Variants in SPATA31H1 observed in about 807,000 individuals in gnomAD.
The protein encoded by SPATA31H1 is SPATA31 subfamily H member 1.
At chr2:27,581,637 C>T in the SPATA31H1 span, 2 of 1,612,210 alleles carry the variant, frequency 1.2e-6, no homozygotes, top group Non-Finnish European at 1.7e-6. Flanking sequence ...CCATTGCAGT[C>T]CCTCTGAGAG....
chr2:27,581,504 A>G, the SPATA31H1 span: 1 of 1,581,406 alleles, frequency 6.3e-7, no homozygotes, highest in Non-Finnish European at 8.7e-7. Context: ...CCTCTCAGAG[A>G]AGACATCACA....
At chr2:27,576,056 C>A in the SPATA31H1 span, 4 of 399,428 alleles carry the variant, frequency 1.0e-5, no homozygotes, top group Middle Eastern at 1.9e-3. Flanking sequence ...TGGAATGCAA[C>A]CCTGGGCCAC....
chr2:27,578,939 T>C, the SPATA31H1 span: 1 of 1,614,040 alleles, frequency 6.2e-7, no homozygotes. Context: ...TGATACAATC[T>C]TTAACTTTTC....
chr2:27,576,640 A>G, the SPATA31H1 span: 1 of 1,612,924 alleles, frequency 6.2e-7, no homozygotes, highest in Non-Finnish European at 8.5e-7. Flanking sequence ...GGATGGCAAG[A>G]TGTGAAATCA....
At chr2:27,552,266 T>C in the SPATA31H1 span, among the ~76,000 whole-genome samples, 1 of 152,036 alleles carries the variant, frequency 6.6e-6, no homozygotes, top group Non-Finnish European at 1.5e-5. Context: ...ATTTTTTGAA[T>C]TAGATGGTGT....
chr2:27,562,615 G>A, the SPATA31H1 span, among the ~76,000 whole-genome samples: 1,034 of 150,510 alleles, frequency 6.9e-3, 10 homozygotes, highest in African/African-American at 0.023. Context: ...GGCTGGGTGC[G>A]GTGGCTCACG....
chr2:27,576,585 C>T, the SPATA31H1 span: 3 of 1,578,192 alleles, frequency 1.9e-6, no homozygotes, highest in East Asian at 6.7e-5. Context: ...GGAGCTGACA[C>T]CAGGGGCCCA....
the SPATA31H1 span, chr2:27,570,514 A>G: frequency 2.5e-6 from 1 of 398,972 alleles, no homozygotes; most frequent in Non-Finnish European, 4.4e-6. Context: ...CAAGATTCCA[A>G]ATTAGCAAAG....
the SPATA31H1 span, among the ~76,000 whole-genome samples, chr2:27,562,132 T>C: frequency 6.6e-6 from 1 of 152,244 alleles, no homozygotes; most frequent in Non-Finnish European, 1.5e-5. Flanking sequence ...TGTTCCTGTT[T>C]TTATTTCCTA....
chr2:27,576,938 C>A, the SPATA31H1 span: 26 of 1,613,924 alleles, frequency 1.6e-5, no homozygotes, highest in Non-Finnish European at 2.2e-5. Context: ...CTGAACTAAT[C>A]CCTAGACCAG....
chr2:27,578,840 T>C, the SPATA31H1 span: 9 of 1,614,162 alleles, frequency 5.6e-6, 1 homozygote, highest in Admixed American at 1.5e-4. Flanking sequence ...TTTGGGATTC[T>C]GGGATACAGG....
the SPATA31H1 span, among the ~76,000 whole-genome samples, chr2:27,538,969 A>C: frequency 2.0e-4 from 30 of 152,120 alleles, no homozygotes; most frequent in Non-Finnish European, 1.5e-4. Context: ...CAGGGATGTG[A>C]AAGTGGAGGA....
chr2:27,575,766 A>G, the SPATA31H1 span: 1 of 398,442 alleles, frequency 2.5e-6, no homozygotes, highest in Non-Finnish European at 4.4e-6. The surrounding 1 kb of genome is among the most constrained non-coding windows in gnomAD (Gnocchi z 4.1). Context: ...TAATGGGTGC[A>G]TCCCTGGGCC....
chr2:27,575,683 G>GC, the SPATA31H1 span: 1 of 398,384 alleles, frequency 2.5e-6, no homozygotes, highest in African/African-American at 2.1e-5. This position sits in a 1 kb window ranked among gnomAD's most constrained non-coding sequence, Gnocchi z 4.1. Context: ...TCTACTGGGA[G>GC]CAACTGTGGG....
chr2:27,580,257 C>T, the SPATA31H1 span: 1 of 1,614,154 alleles, frequency 6.2e-7, no homozygotes, highest in Non-Finnish European at 8.5e-7. Context: ...TGCTCCTGTA[C>T]AAGTCTACAT....
the SPATA31H1 span, among the ~76,000 whole-genome samples, chr2:27,539,824 G>A: frequency 1.4e-5 from 1 of 73,460 alleles, no homozygotes; most frequent in Non-Finnish European, 2.6e-5. Context: ...GCCGGGCAGA[G>A]GCGCCCCTCA....
the SPATA31H1 span, among the ~76,000 whole-genome samples, chr2:27,555,909 G>A: frequency 6.6e-6 from 1 of 151,758 alleles, no homozygotes; most frequent in Admixed American, 6.6e-5. Context: ...TGAGGCGAGC[G>A]GATCATGAGG....
At chr2:27,540,025 C>T in the SPATA31H1 span, among the ~76,000 whole-genome samples, 1 of 128,372 alleles carries the variant, frequency 7.8e-6, no homozygotes, top group African/African-American at 2.9e-5. Flanking sequence ...GCTGACCCCC[C>T]CACCTCCCTC....
the SPATA31H1 span, among the ~76,000 whole-genome samples, chr2:27,559,862 TTTTTTTC>T: frequency 2.0e-5 from 3 of 151,970 alleles, 1 homozygote; most frequent in Non-Finnish European, 2.9e-5. Context: ...TTTTATTTAT[TTTTTTTC>T]TTTTTTCTTT....
Sources: allele counts gnomAD v4.1 joint callset (sites outside exome capture counted in the v4.1 genomes callset), GRCh38; gene constraint gnomAD v4.1.1; non-coding constraint Gnocchi (gnomAD v3.1); transcripts MANE v1.5; gene names NCBI Gene and HGNC (gene_info 2026-07-23, HGNC 2026-07-21).